GOPC: variants seen among roughly 807,000 people sequenced by gnomAD.
The protein encoded by GOPC is golgi associated PDZ and coiled-coil motif containing.
GOPC carries 32 observed loss-of-function variants against 51.2 expected under a neutral mutation model. That is an observed-to-expected ratio of 0.63 (90% confidence interval 0.47 to 0.84). GOPC has a LOEUF of 0.84. Among genes scored for constraint, GOPC ranks in the 40% least tolerant of loss-of-function variants. The pLI, the probability that GOPC is intolerant of heterozygous loss-of-function variation, is 0.00. For synonymous variants in GOPC, 190 were observed against 205.1 expected (o/e 0.93, Z 0.63); for missense variants, 441 against 555.5 (o/e 0.79, Z 2.07).
chr6:117,594,195 CTT>C (rs1446727760), intron 1 of GOPC, among the ~76,000 whole-genome samples: 3 of 152,216 alleles, frequency 2.0e-5, no homozygotes, highest in Non-Finnish European at 2.9e-5. Context: ...GCCCTCTTCT[CTT>C]GTTACACATA....
chr6:117,594,883 G>A (rs1255402192), intron 1 of GOPC, among the ~76,000 whole-genome samples: 1 of 152,164 alleles, frequency 6.6e-6, no homozygotes, highest in East Asian at 1.9e-4. Context: ...TCAAGGCAGA[G>A]GTGAATTTTT....
intron 1 of GOPC, among the ~76,000 whole-genome samples, chr6:117,587,680 G>A (rs557939315): frequency 2.0e-5 from 3 of 152,158 alleles, no homozygotes; most frequent in African/African-American, 7.2e-5. Flanking sequence ...GATCTGAAAG[G>A]TCAAAACTAT....
chr6:117,580,624 A>G (rs572328854), intron 1 of GOPC, among the ~76,000 whole-genome samples: 139 of 152,250 alleles, frequency 9.1e-4, no homozygotes, highest in African/African-American at 3.2e-3. Flanking sequence ...ACCTTTATTG[A>G]GATATAATTC....
intron 1 of GOPC, among the ~76,000 whole-genome samples, chr6:117,595,032 T>A (rs979060662): frequency 5.3e-5 from 8 of 152,292 alleles, no homozygotes; most frequent in African/African-American, 1.7e-4. Flanking sequence ...TGAGGACAGC[T>A]ACTCAACACA....
intron 6 of GOPC, among the ~76,000 whole-genome samples, chr6:117,570,016 C>T (rs934141308): frequency 9.2e-5 from 14 of 151,970 alleles, no homozygotes; most frequent in Admixed American, 6.6e-5. Context: ...AATGACAAGA[C>T]CAATTATTTT....
chr6:117,568,414 A>C (rs1422637543), intron 7 of GOPC, among the ~76,000 whole-genome samples: 1 of 152,172 alleles, frequency 6.6e-6, no homozygotes, highest in East Asian at 1.9e-4. Context: ...CAGCAGTTTA[A>C]GGTTATACCT....
At chr6:117,568,325 G>A (rs1779740244) in intron 7 of GOPC, among the ~76,000 whole-genome samples, 1 of 152,196 alleles carries the variant, frequency 6.6e-6, no homozygotes, top group South Asian at 2.1e-4. Flanking sequence ...TGAAAACTAT[G>A]GCTTGCCTTT....
At chr6:117,589,184 G>C (rs1214470928) in intron 1 of GOPC, among the ~76,000 whole-genome samples, 2 of 152,240 alleles carry the variant, frequency 1.3e-5, no homozygotes, top group Non-Finnish European at 2.9e-5. Context: ...GCTTGAGATA[G>C]AGTAAGAGGA....
At chr6:117,584,696 C>T in intron 1 of GOPC, among the ~76,000 whole-genome samples, 1 of 151,090 alleles carries the variant, frequency 6.6e-6, no homozygotes, top group Non-Finnish European at 1.5e-5. Flanking sequence ...TTTGGATGCC[C>T]GTCCCCTCCA....
At chr6:117,588,257 G>T (rs1780061728) in intron 1 of GOPC, among the ~76,000 whole-genome samples, 1 of 151,894 alleles carries the variant, frequency 6.6e-6, no homozygotes, top group Admixed American at 6.6e-5. Flanking sequence ...AGAAAGCATG[G>T]CTGGGGAGGC....
chr6:117,602,423 G>T lies in GOPC; in HGVS notation c.-135C>A, dbSNP rs1772035134. The T allele has an allele frequency of 1.2e-6, 1 of 825,036 alleles. No individual in the cohort carries two copies. The highest frequency in any genetic ancestry group is 1.8e-6 in the Non-Finnish European group (1 of 542,628). The allele number at this position is 825,036 out of a possible 1,614,324, so 51.1% of individuals were successfully genotyped here. A position where few individuals can be genotyped will look rare whatever the true frequency, so the allele number is the denominator to read the frequency against. ...CCTCCCTTCACCTCGCGCCGTTAAC[G>T]CCAGCAGCACAGTCACAGAACCGCA... On this transcript the variant is annotated 5_prime_UTR_variant, in exon 1 of 9. Coordinates refer to ENST00000368498, the MANE Select transcript of GOPC (RefSeq NM_020399.4).
chr6:117,580,881 G>A (rs375349592), intron 1 of GOPC, among the ~76,000 whole-genome samples: 9 of 152,092 alleles, frequency 5.9e-5, no homozygotes, highest in East Asian at 3.8e-4. Flanking sequence ...AAAAGAAATC[G>A]TTAGCAATAC....
chr6:117,562,486 G>A lies in GOPC; in HGVS notation c.*768C>T. 1 of 203,318 alleles carries A rather than the reference G, an allele frequency of 4.9e-6. No homozygotes were observed. Among genetic ancestry groups the A allele is most frequent in the Non-Finnish European group, 1.0e-5 (1 of 99,230 alleles). The allele number at this position is 203,318 out of a possible 1,614,324, so 12.6% of individuals were successfully genotyped here. On this transcript the variant is annotated 3_prime_UTR_variant, in exon 9 of 9. Coordinates refer to ENST00000368498, the MANE Select transcript of GOPC (RefSeq NM_020399.4). ...AAGCATTTGAGGCTCAACATGAATG[G>A]GTAAATGCTCCAGTACTGCGCACAC...
rs1350110069 is a variant in GOPC at position 117,578,944 on chromosome 6, T to C, written c.406A>G (p.Lys136Glu). 3.1e-6 allele frequency: 5 copies of C among 1,610,880 alleles called. No homozygotes were observed. The highest frequency in any genetic ancestry group is 2.7e-5 in the African/African-American group (2 of 74,808). The part of the protein sequence containing the change: ...LHSIQLQLHA[K>E]TGQSADSGTI... ...CCAGAGTCAGCACTTTGACCAGTTT[T>C]AGCATGAAGCTGCAGCTGAATAGAG... The change falls in exon 2 of 9, where the codon AAA (lysine) becomes GAA (glutamate). Residue 136 changes from lysine to glutamate, a missense_variant. Coordinates refer to ENST00000368498, the MANE Select transcript of GOPC (RefSeq NM_020399.4).
At chr6:117,585,002 C>G (rs1433992718) in intron 1 of GOPC, among the ~76,000 whole-genome samples, 1 of 152,108 alleles carries the variant, frequency 6.6e-6, no homozygotes, top group Non-Finnish European at 1.5e-5. Flanking sequence ...CCTGTACAGC[C>G]TGCAGAACTG....
At chr6:117,577,583 A>G (rs1490476925) in intron 2 of GOPC, 112 bp from the exon 3 acceptor site, 3 of 763,076 alleles carry the variant, frequency 3.9e-6, no homozygotes, top group East Asian at 5.5e-5. Flanking sequence ...TCATTTGGGT[A>G]AAGTTCATTA....
At chr6:117,581,678 G>A (rs1779961404) in intron 1 of GOPC, among the ~76,000 whole-genome samples, 1 of 152,106 alleles carries the variant, frequency 6.6e-6, no homozygotes, top group South Asian at 2.1e-4. Flanking sequence ...CAGCAATATT[G>A]TATTCACTAA....
chr6:117,577,302 G>C (rs1779896986), intron 3 of GOPC, 146 bp downstream of exon 3: 1 of 690,990 alleles, frequency 1.4e-6, no homozygotes, highest in Non-Finnish European at 2.5e-6. Flanking sequence ...GCCATCCACT[G>C]AACTTTTCAG....
Position 117,601,993 on chromosome 6 carries a change from C to A in GOPC, c.285+11G>T. ...GGTTGGATGCCATAGCCGCCAGCAC[C>A]CACGGCTCACCTCCAGCTTGTGGTT... On this transcript the variant is annotated intron_variant, in intron 1 of 8. Coordinates refer to ENST00000368498, the MANE Select transcript of GOPC (RefSeq NM_020399.4). 6.2e-7 allele frequency: 1 copy of A among 1,612,714 alleles called. No individual in the cohort carries two copies. The highest frequency in any genetic ancestry group is 8.5e-7 in the Non-Finnish European group (1 of 1,178,892).
Sources: gnomAD v4.1 joint callset for allele counts (sites outside exome capture counted in the v4.1 genomes callset) on GRCh38, gnomAD v4.1.1 for gene constraint, MANE v1.5 for transcripts, NCBI Gene and HGNC (gene_info 2026-07-23, HGNC 2026-07-21) for gene names.